Variants in SLC36A4 observed in about 807,000 individuals in gnomAD.
SLC36A4 encodes the protein solute carrier family 36 member 4, also known as neutral amino acid uniporter 4.
Under a neutral mutation model 50.5 loss-of-function variants are expected in SLC36A4, and 49 were observed. The ratio of observed to expected loss-of-function variants is 0.97; its 90% CI spans 0.77 to 1.23. SLC36A4 has a LOEUF of 1.23. SLC36A4 is among the 50% of genes most tolerant of loss of function. The pLI, the probability that SLC36A4 is intolerant of heterozygous loss-of-function variation, is 0.00. For missense variants in SLC36A4, 611 were observed against 608.4 expected, an observed-to-expected ratio of 1.00 and a Z score of -0.05; for synonymous variants, 207 against 206.5, an observed-to-expected ratio of 1.00 and a Z score of -0.02.
chr11:93,185,619 TG>T, intron 2 of SLC36A4, 71 bp downstream of exon 2: 1 of 1,362,228 alleles, frequency 7.3e-7, no homozygotes, highest in Non-Finnish European at 9.9e-7. Flanking sequence ...TAGAATGTCT[TG>T]CCTGTAGAAG....
In SLC36A4 at chr11:93,184,516, C is replaced by G; in HGVS notation, c.184G>C (p.Val62Leu). The change falls in exon 3 of 11, where the codon GTA (valine) becomes CTA (leucine). Residue 62 changes from valine (V) to leucine (L), a missense_variant. By Grantham distance (32) the Val-to-Leu change is conservative. Coordinates refer to ENST00000326402, the MANE Select transcript of SLC36A4 (RefSeq NM_152313.4). ...TTAAGAAGGTGCATAAGAGTTTGTA[C>G]AAATCTGAAAAGTAAAAGTTGTAAG... ...QLDDQEGISF[V>L]QTLMHLLKGN... The G allele has an allele frequency of 6.3e-7, 1 of 1,590,430 alleles. No individual in the cohort carries two copies. The highest frequency in any genetic ancestry group is 8.6e-7 in the Non-Finnish European group (1 of 1,161,274).
chr11:93,185,879 T>G, intron 1 of SLC36A4, 65 bp from the exon 2 acceptor site: 4 of 1,421,544 alleles, frequency 2.8e-6, no homozygotes, highest in Non-Finnish European at 3.7e-6. Context: ...CTGGTATAAA[T>G]GAATTTCAAA....
At chr11:93,190,054 A>G (rs530582365) in intron 1 of SLC36A4, among the ~76,000 whole-genome samples, 2 of 152,290 alleles carry the variant, frequency 1.3e-5, no homozygotes, top group South Asian at 4.1e-4. Flanking sequence ...CAGCTATCAT[A>G]TTTATTTAAC....
Position 93,168,067 on chromosome 11 carries a change from G to A in SLC36A4, c.645C>T (p.Cys215=), listed in dbSNP as rs1448491796. ...RSVDLRIYML[C]FLPFIILLVF... is the part of the protein sequence containing the mutation. ...CCAAAAGAATTATAAATGGAAGAAA[G>A]CAAAGCATATATATCCTTAGGTCAA... is the stretch of plus-strand genomic sequence containing the variant. Residue 215 remains cysteine (C), a synonymous_variant, in exon 7 of 11, where the codon TGC becomes TGT. Transcript: ENST00000326402. 1 of 1,612,158 alleles carries A rather than the reference G, an allele frequency of 6.2e-7. No homozygotes were observed. The highest frequency in any genetic ancestry group is 2.2e-5 in the East Asian group (1 of 44,796).
In SLC36A4 at chr11:93,184,583, G is replaced by A. The variant is rs150163175; in HGVS notation, c.180-63C>T. 575 of 994,388 alleles carry A rather than the reference G, an allele frequency of 5.8e-4. 6 individuals carry two copies. In the African/African-American group the frequency reaches 8.6e-3, roughly 15 times the overall value. The allele number at this position is 994,388 out of a possible 1,614,324, so 61.6% of individuals were successfully genotyped here. On this transcript the variant is annotated intron_variant, in intron 2 of 10. Coordinates refer to ENST00000326402, the MANE Select transcript of SLC36A4 (RefSeq NM_152313.4). ...ACAAAATCTATTATAACATGATCAT[G>A]GTTTTAGTACTAGAAGGGAACTGAA...
chr11:93,171,429 G>T (rs2134667263), intron 6 of SLC36A4: 1 of 152,110 alleles, frequency 6.6e-6, no homozygotes, highest in East Asian at 1.9e-4. Flanking sequence ...TAACATATTG[G>T]AAGTGACAGA....
At chr11:93,172,418 C>A (rs532980451) in intron 6 of SLC36A4, among the ~76,000 whole-genome samples, 1 of 151,694 alleles carries the variant, frequency 6.6e-6, no homozygotes, top group South Asian at 2.1e-4. Flanking sequence ...CTCTTCCCCC[C>A]AAGTCCCCAA....
intron 7 of SLC36A4, 41 bp downstream of exon 7, chr11:93,167,903 T>G (rs200594142): frequency 1.6e-5 from 22 of 1,362,574 alleles, no homozygotes; most frequent in East Asian, 1.4e-4. Context: ...TTTACTTACA[T>G]AAGAAAGATA....
chr11:93,172,685 A>C (rs1470755425), intron 6 of SLC36A4, among the ~76,000 whole-genome samples: 3 of 140,178 alleles, frequency 2.1e-5, no homozygotes, highest in Non-Finnish European at 4.6e-5. Context: ...TATGAGTGAG[A>C]ATATGCGGTG....
chr11:93,189,205 A>C (rs995570418), intron 1 of SLC36A4, among the ~76,000 whole-genome samples: 4 of 152,026 alleles, frequency 2.6e-5, no homozygotes, highest in Non-Finnish European at 4.4e-5. Context: ...CTGGGATAAC[A>C]GGTGTGCACC....
At chr11:93,178,329 CA>C (rs1861583825) in intron 6 of SLC36A4, among the ~76,000 whole-genome samples, 1 of 152,144 alleles carries the variant, frequency 6.6e-6, no homozygotes, top group Non-Finnish European at 1.5e-5. Flanking sequence ...GGGAATTCCC[CA>C]ACCCCTTGTG....
rs749509957 is a variant in SLC36A4, at chr11:93,162,773, A to T, written c.970T>A (p.Leu324Ile). The part of the protein sequence containing the change: ...VTTLYVTLAT[L>I]GYMCFHDEIK... Reference sequence around the variant, plus strand: ...TCATCATGGAAACACATATATCCTAAAGTAGCTAATGTTACATACAAAGTT... The same window carrying T: ...TCATCATGGAAACACATATATCCTATAGTAGCTAATGTTACATACAAAGTT... Residue 324 changes from leucine (L) to isoleucine (I), a missense_variant, in exon 9 of 11, where the codon TTA (leucine) becomes ATA (isoleucine). Coordinates refer to ENST00000326402, the MANE Select transcript of SLC36A4 (RefSeq NM_152313.4). 4 of 1,613,650 alleles carry T rather than the reference A, an allele frequency of 2.5e-6. No homozygotes were observed. The Admixed American group carries it at 5.0e-5, about 20-fold the overall frequency.
intron 6 of SLC36A4, among the ~76,000 whole-genome samples, chr11:93,174,814 G>A (rs902142126): frequency 2.2e-5 from 3 of 136,414 alleles, no homozygotes; most frequent in African/African-American, 8.1e-5. Flanking sequence ...GATCATGGTC[G>A]ATAAGCTTTT....
At chr11:93,151,248 C>A (rs1411660911) in intron 10 of SLC36A4, among the ~76,000 whole-genome samples, 1 of 151,872 alleles carries the variant, frequency 6.6e-6, no homozygotes, top group Non-Finnish European at 1.5e-5. Flanking sequence ...TTATTCATTA[C>A]AAATACTATG....
chr11:93,190,189 T>C (rs1302648274), intron 1 of SLC36A4, among the ~76,000 whole-genome samples: 1 of 152,192 alleles, frequency 6.6e-6, no homozygotes, highest in Non-Finnish European at 1.5e-5. Context: ...TTTTCATATA[T>C]ATATTTGCTT....
intron 9 of SLC36A4, among the ~76,000 whole-genome samples, chr11:93,156,253 G>A (rs1416401556): frequency 2.6e-5 from 4 of 152,022 alleles, no homozygotes; most frequent in East Asian, 1.9e-4. Context: ...GTTATTTTTC[G>A]ACTTTTTAGT....
intron 7 of SLC36A4, chr11:93,166,451 C>A: frequency 1.0e-6 from 1 of 981,534 alleles, no homozygotes; most frequent in Non-Finnish European, 1.2e-6. Context: ...CTCTAAGATA[C>A]CTGGTTCCTG....
intron 10 of SLC36A4, chr11:93,152,553 C>A (rs1217514999): frequency 1.3e-5 from 2 of 152,032 alleles, no homozygotes; most frequent in African/African-American, 4.8e-5. Context: ...AAAGCAGCAG[C>A]CAAGAAAAGG....
chr11:93,166,396 T>C (rs768986197), intron 7 of SLC36A4: 15 of 992,502 alleles, frequency 1.5e-5, no homozygotes, highest in African/African-American at 1.7e-5. Context: ...TGCTGGTGCC[T>C]AGCAGAAATT....
Sources: allele counts gnomAD v4.1 joint callset (sites outside exome capture counted in the v4.1 genomes callset), GRCh38; gene constraint gnomAD v4.1.1; transcripts MANE v1.5; gene names NCBI Gene and HGNC (gene_info 2026-07-23, HGNC 2026-07-21).